RABGEF1: variants seen among roughly 807,000 people sequenced by gnomAD.
RABGEF1 encodes rab5 GDP/GTP exchange factor.
In RABGEF1, 26 loss-of-function variants were observed where a neutral mutation model predicts 57.3. The ratio of observed to expected loss-of-function variants is 0.45; its 90% CI spans 0.33 to 0.63. RABGEF1 has a LOEUF of 0.63. Among genes scored for constraint, RABGEF1 ranks in the 20% least tolerant of loss-of-function variants. RABGEF1 has a pLI of 0.02. For synonymous variants in RABGEF1, 185 were observed against 210.7 expected (o/e 0.88, Z 1.06); for missense variants, 464 against 607.6 (o/e 0.76, Z 2.48).
At chr7:66,801,639 A>G (rs999860866) in intron 7 of RABGEF1, among the ~76,000 whole-genome samples, 2 of 152,176 alleles carry the variant, frequency 1.3e-5, no homozygotes, top group South Asian at 2.1e-4. Context: ...TGTGATGGTT[A>G]TCTTTCTGTG....
upstream of RABGEF1, among the ~76,000 whole-genome samples, chr7:66,678,758 G>T (rs1245006476): frequency 6.6e-6 from 1 of 151,942 alleles, no homozygotes; most frequent in Non-Finnish European, 1.5e-5. Flanking sequence ...CCTCCCACAG[G>T]GAAACTCAGA....
At chr7:66,736,839 C>A (rs185871369), upstream of RABGEF1, among the ~76,000 whole-genome samples, 2 of 152,124 alleles carry the variant, frequency 1.3e-5, no homozygotes, top group African/African-American at 2.4e-5. Flanking sequence ...CCAGCCAGGG[C>A]GACAGAGCGA....
chr7:66,669,554 A>G, the RABGEF1 span, among the ~76,000 whole-genome samples: 1 of 152,194 alleles, frequency 6.6e-6, no homozygotes, highest in Non-Finnish European at 1.5e-5. Flanking sequence ...GGGCTTGGGT[A>G]GGAGATCAGG....
At chr7:66,801,315 C>T (rs1437680653) in intron 7 of RABGEF1, among the ~76,000 whole-genome samples, 1 of 152,128 alleles carries the variant, frequency 6.6e-6, no homozygotes, top group East Asian at 1.9e-4. Context: ...TTGATCCAGG[C>T]GGATAATGAG....
At chr7:66,747,618 T>G (rs1008052595) in intron 1 of RABGEF1, among the ~76,000 whole-genome samples, 1 of 151,558 alleles carries the variant, frequency 6.6e-6, no homozygotes, top group African/African-American at 2.4e-5. Context: ...TAGTGAAAGT[T>G]TTATTTTTGT....
At chr7:66,728,847 C>T (rs796344374) in intron 2 of RABGEF1, among the ~76,000 whole-genome samples, 1 of 142,894 alleles carries the variant, frequency 7.0e-6, no homozygotes, top group Non-Finnish European at 1.6e-5. Context: ...CCTACACCTA[C>T]ACGTCTATCC....
In RABGEF1 at chr7:66,809,400, A is replaced by C. The variant is rs1789169084; in HGVS notation, c.*116A>C. 3 of 1,191,856 alleles carry C rather than the reference A, an allele frequency of 2.5e-6. No individual in the cohort carries two copies. Among genetic ancestry groups the C allele is most frequent in the Non-Finnish European group, 3.5e-6 (3 of 860,398 alleles). The allele number at this position is 1,191,856 out of a possible 1,614,324, so 73.8% of individuals were successfully genotyped here. ...TGCTTATAAATGTCAGCATTTTTTAAAGGTACAGTATATGGGGATTGTTTC... is the reference window on the plus strand; with the variant it reads ...TGCTTATAAATGTCAGCATTTTTTACAGGTACAGTATATGGGGATTGTTTC... On this transcript the variant is annotated 3_prime_UTR_variant, in exon 9 of 9. Transcript: ENST00000284957.
chr7:66,680,839 T>C (rs1789661832), upstream of RABGEF1, among the ~76,000 whole-genome samples: 1 of 152,020 alleles, frequency 6.6e-6, no homozygotes, highest in Non-Finnish European at 1.5e-5. Context: ...CCTAGCACTT[T>C]GGAAGGCCAA....
intron 4 of RABGEF1, among the ~76,000 whole-genome samples, chr7:66,795,296 G>A (rs902294876): frequency 1.2e-4 from 18 of 152,138 alleles, no homozygotes; most frequent in East Asian, 5.8e-4. Context: ...CAAGGATCCC[G>A]TCTTTAGCTG....
intron 1 of RABGEF1, among the ~76,000 whole-genome samples, chr7:66,693,753 CATTCATTCATT>C (rs1269975083): frequency 1.3e-5 from 2 of 152,050 alleles, no homozygotes; most frequent in Non-Finnish European, 2.9e-5. Context: ...CTCAGGGAAT[CATTCATTCATT>C]ATTCATGCAT....
chr7:66,780,464 C>A (rs112163782), intron 3 of RABGEF1, among the ~76,000 whole-genome samples: 63 of 152,262 alleles, frequency 4.1e-4, no homozygotes, highest in African/African-American at 1.5e-3. Context: ...GCATAATAGG[C>A]ATTATCTATA....
At chr7:66,803,687 G>A (rs1363452864) in intron 7 of RABGEF1, among the ~76,000 whole-genome samples, 3 of 151,998 alleles carry the variant, frequency 2.0e-5, no homozygotes, top group South Asian at 2.1e-4. Context: ...TCAGGAGTTC[G>A]AGACCAGCCT....
In RABGEF1 at chr7:66,809,302, G is replaced by A. The variant is rs761256606; in HGVS notation, c.*18G>A. 4 of 1,582,128 alleles carry A rather than the reference G, an allele frequency of 2.5e-6. No individual in the cohort carries two copies. The highest frequency in any genetic ancestry group is 3.4e-6 in the Non-Finnish European group (4 of 1,162,156). ...CAGGATGATCACAATTTAGTGGAGA[G>A]TATTTATTTGAGCCTAAATTGTAGG... On this transcript the variant is annotated 3_prime_UTR_variant, in exon 9 of 9. Transcript: ENST00000284957.
intron 2 of RABGEF1, among the ~76,000 whole-genome samples, chr7:66,712,866 G>A (rs1281204312): frequency 4.0e-5 from 6 of 151,270 alleles, no homozygotes; most frequent in Non-Finnish European, 8.8e-5. Flanking sequence ...CCAGGCTGGA[G>A]TGCCATAGTG....
At chr7:66,795,070 G>A (rs760422934) in intron 4 of RABGEF1, among the ~76,000 whole-genome samples, 12 of 152,188 alleles carry the variant, frequency 7.9e-5, no homozygotes, top group Non-Finnish European at 1.8e-4. Context: ...TGGAGTTTTG[G>A]GAAGTTTGCA....
intron 1 of RABGEF1, among the ~76,000 whole-genome samples, chr7:66,763,367 T>C (rs1157147787): frequency 6.6e-6 from 1 of 152,216 alleles, no homozygotes; most frequent in Non-Finnish European, 1.5e-5. Context: ...GAGGTCCTCA[T>C]TTCTTTGTTG....
chr7:66,772,833 A>G (rs1468669729), intron 2 of RABGEF1, among the ~76,000 whole-genome samples: 2 of 151,270 alleles, frequency 1.3e-5, no homozygotes, highest in African/African-American at 4.9e-5. Flanking sequence ...AATTGCTTGA[A>G]CCCAGGTATC....
intron 2 of RABGEF1, among the ~76,000 whole-genome samples, chr7:66,728,951 C>CT (rs1208215962): frequency 0.037 from 4,997 of 136,238 alleles, 170 homozygotes; most frequent in Middle Eastern, 0.074. Context: ...TTCACCTCCA[C>CT]TTTTTTTTTT....
intron 2 of RABGEF1, among the ~76,000 whole-genome samples, chr7:66,720,427 G>T (rs1249291431): frequency 6.6e-6 from 1 of 150,394 alleles, no homozygotes; most frequent in Non-Finnish European, 1.5e-5. Context: ...CGAACTCCTA[G>T]CCTCAAGCGA....
Sources: gnomAD v4.1 joint callset for allele counts (sites outside exome capture counted in the v4.1 genomes callset) on GRCh38, gnomAD v4.1.1 for gene constraint, MANE v1.5 for transcripts, NCBI Gene and HGNC (gene_info 2026-07-23, HGNC 2026-07-21) for gene names.